CSMD1: variants seen among roughly 807,000 people sequenced by gnomAD.
The protein encoded by CSMD1 is CUB and Sushi multiple domains 1, also known as CUB and sushi domain-containing protein 1.
CSMD1 carries 213 observed loss-of-function variants against 417.5 expected under a neutral mutation model. The observed-to-expected ratio is 0.51, with a 90% confidence interval of 0.46 to 0.57. The LOEUF (loss-of-function observed/expected upper bound fraction) is 0.57. Ranked by LOEUF, CSMD1 falls within the 20% of genes least tolerant of loss-of-function variation. The probability of loss-of-function intolerance (pLI) is 0.00; values close to 1 mark genes in which losing one functional copy is unlikely to be tolerated. For synonymous variants in CSMD1, 2,862 were observed against 1,736.8 expected, an observed-to-expected ratio of 1.65 and a Z score of -16.11; for missense variants, 6,923 against 4,529.7, an observed-to-expected ratio of 1.53 and a Z score of -15.17.
At chr8:4,049,474 T>A (rs770883910) in intron 3 of CSMD1, among the ~76,000 whole-genome samples, 1 of 151,746 alleles carries the variant, frequency 6.6e-6, no homozygotes, top group African/African-American at 2.4e-5. Flanking sequence ...GGCATTCAAA[T>A]ACCATGCATA....
chr8:3,107,881 AGTT>A (rs1231972074), intron 44 of CSMD1, 83 bp from the exon 45 acceptor site: 1 of 868,970 alleles, frequency 1.2e-6, no homozygotes, highest in African/African-American at 1.8e-5. Flanking sequence ...TTCATCTTGC[AGTT>A]GTTATAATGC....
intron 5 of CSMD1, among the ~76,000 whole-genome samples, chr8:3,803,462 C>G (rs1318513000): frequency 6.6e-6 from 1 of 152,144 alleles, no homozygotes; most frequent in Admixed American, 6.5e-5. Flanking sequence ...TATTAAACCC[C>G]AAGTTATTAC....
At chr8:3,686,763 C>A (rs897723866) in intron 7 of CSMD1, among the ~76,000 whole-genome samples, 1 of 152,204 alleles carries the variant, frequency 6.6e-6, no homozygotes. Flanking sequence ...CCAAGCCAGT[C>A]TATCAGTGGC....
At chr8:4,972,220 T>C (rs1260752177) in intron 1 of CSMD1, among the ~76,000 whole-genome samples, 1 of 152,114 alleles carries the variant, frequency 6.6e-6, no homozygotes, top group Non-Finnish European at 1.5e-5. Context: ...TGGAAATTTT[T>C]GTGTCCTGTA....
At chr8:3,281,550 A>G (rs1262369529) in intron 26 of CSMD1, among the ~76,000 whole-genome samples, 2 of 152,226 alleles carry the variant, frequency 1.3e-5, no homozygotes, top group Non-Finnish European at 2.9e-5. Flanking sequence ...GGAGCTTGAA[A>G]GTGTCTTACT....
intron 10 of CSMD1, among the ~76,000 whole-genome samples, chr8:3,565,005 G>T (rs1799637497): frequency 7.6e-6 from 1 of 131,030 alleles, no homozygotes; most frequent in Admixed American, 7.4e-5. Flanking sequence ...CCTAGGTGAT[G>T]GGAAGCAAAG....
chr8:4,228,589 C>CTTT (rs201365918), intron 3 of CSMD1, among the ~76,000 whole-genome samples: 59,793 of 137,892 alleles, frequency 0.43, 14,886 homozygotes, highest in Non-Finnish European at 0.57. Flanking sequence ...TCTGTCAGAT[C>CTTT]TTTTTTTTTT....
At chr8:3,410,408 G>A (rs1190983484) in intron 12 of CSMD1, among the ~76,000 whole-genome samples, 1 of 152,146 alleles carries the variant, frequency 6.6e-6, no homozygotes, top group African/African-American at 2.4e-5. Context: ...TGAATCCCAC[G>A]TGTTGTGGCA....
At chr8:3,655,659 G>GT (rs11293138) in intron 7 of CSMD1, among the ~76,000 whole-genome samples, 2,547 of 139,380 alleles carry the variant, frequency 0.018, 56 homozygotes, top group African/African-American at 0.052. Context: ...TGGAGGTTGC[G>GT]TTTTTTTTTT....
At chr8:4,838,064 G>A (rs183391673) in intron 1 of CSMD1, among the ~76,000 whole-genome samples, 14 of 152,158 alleles carry the variant, frequency 9.2e-5, no homozygotes, top group African/African-American at 3.1e-4. Flanking sequence ...TGACCAGGAA[G>A]GGACATAGTG....
chr8:4,159,004 C>A (rs572126703), intron 3 of CSMD1, among the ~76,000 whole-genome samples: 2 of 152,280 alleles, frequency 1.3e-5, no homozygotes, highest in East Asian at 3.9e-4. Flanking sequence ...CAACCTTCAC[C>A]TCCCAGATTC....
At chr8:3,318,049 C>A (rs1805893561) in intron 23 of CSMD1, among the ~76,000 whole-genome samples, 2 of 152,178 alleles carry the variant, frequency 1.3e-5, no homozygotes, top group Non-Finnish European at 2.9e-5. Context: ...GATCTGCCCA[C>A]CTTGGCCTCC....
chr8:3,998,930 T>C (rs867354845), intron 4 of CSMD1, among the ~76,000 whole-genome samples: 1 of 148,882 alleles, frequency 6.7e-6, no homozygotes, highest in Non-Finnish European at 1.5e-5. Context: ...AACTATATAG[T>C]AGTTTATATA....
At chr8:4,632,953 C>T (rs970283272) in intron 2 of CSMD1, among the ~76,000 whole-genome samples, 4 of 152,094 alleles carry the variant, frequency 2.6e-5, no homozygotes, top group Non-Finnish European at 5.9e-5. Context: ...AGGGGACAAA[C>T]GGGAGGGACT....
At chr8:4,977,058 G>A (rs1053591695) in intron 1 of CSMD1, among the ~76,000 whole-genome samples, 2 of 152,088 alleles carry the variant, frequency 1.3e-5, no homozygotes, top group Non-Finnish European at 2.9e-5. Context: ...TTTTTATACA[G>A]CTTTTAGTAT....
chr8:3,672,706 G>A (rs771245922), intron 7 of CSMD1, among the ~76,000 whole-genome samples: 1 of 152,158 alleles, frequency 6.6e-6, no homozygotes, highest in African/African-American at 2.4e-5. Context: ...GATGGGCATG[G>A]TGGTGGTTTG....
At chr8:3,299,077 G>C (rs963379462) in intron 25 of CSMD1, among the ~76,000 whole-genome samples, 1 of 152,142 alleles carries the variant, frequency 6.6e-6, no homozygotes, top group African/African-American at 2.4e-5. Context: ...GTAGGTAAGT[G>C]TCAGTCATTT....
intron 1 of CSMD1, among the ~76,000 whole-genome samples, chr8:4,925,318 G>T (rs1311762457): frequency 6.9e-6 from 1 of 145,874 alleles, no homozygotes; most frequent in Non-Finnish European, 1.5e-5. Flanking sequence ...ACAAGTAGGT[G>T]GTCTTTGACG....
At chr8:4,687,964 T>G (rs1169674803) in intron 1 of CSMD1, among the ~76,000 whole-genome samples, 1 of 152,238 alleles carries the variant, frequency 6.6e-6, no homozygotes, top group African/African-American at 2.4e-5. Context: ...TAACTCTATC[T>G]GTAGCATCTT....
Sources: allele counts gnomAD v4.1 joint callset (sites outside exome capture counted in the v4.1 genomes callset), GRCh38; gene constraint gnomAD v4.1.1; transcripts MANE v1.5; gene names NCBI Gene and HGNC (gene_info 2026-07-23, HGNC 2026-07-21).